Variants in RBFOX1 observed in about 807,000 individuals in gnomAD.
The protein encoded by RBFOX1 is RNA binding protein fox-1 homolog 1.
Under a neutral mutation model 57.7 loss-of-function variants are expected in RBFOX1, and 8 were observed. The observed-to-expected ratio is 0.14, with a 90% confidence interval of 0.08 to 0.25. The LOEUF (loss-of-function observed/expected upper bound fraction) is 0.25, where lower values mean the gene tolerates loss of function less well. RBFOX1 is among the 10% of genes least tolerant of loss of function. The pLI is 1.00. For synonymous variants in RBFOX1, 326 were observed against 222.4 expected, an observed-to-expected ratio of 1.47 and a Z score of -4.15; for missense variants, 611 against 548.5, an observed-to-expected ratio of 1.11 and a Z score of -1.14.
chr16:5,668,084 C>T (rs1426167804), intron 3 of RBFOX1, among the ~76,000 whole-genome samples: 1 of 152,048 alleles, frequency 6.6e-6, no homozygotes, highest in Non-Finnish European at 1.5e-5. Context: ...AATTCAGGAC[C>T]AACCTGATCA....
At chr16:5,908,127 T>TATATATATACAC (rs1567133567) in intron 4 of RBFOX1, among the ~76,000 whole-genome samples, 1 of 143,742 alleles carries the variant, frequency 7.0e-6, no homozygotes, top group African/African-American at 2.8e-5. Context: ...TATACACATA[T>TATATATATACAC]ATATATACAC....
chr16:5,261,586 G>C (rs1481405097), intron 1 of RBFOX1, among the ~76,000 whole-genome samples: 1 of 126,356 alleles, frequency 7.9e-6, no homozygotes, highest in Non-Finnish European at 1.6e-5. Flanking sequence ...GTCTCTCCCT[G>C]TCACCCAGCC....
chr16:7,172,684 C>G (rs1379717879), intron 4 of RBFOX1, among the ~76,000 whole-genome samples: 2 of 152,160 alleles, frequency 1.3e-5, no homozygotes, highest in African/African-American at 2.4e-5. Context: ...AGGCTGAAAG[C>G]AGGAGGCAGA....
chr16:6,067,811 G>T (rs556327050), intron 1 of RBFOX1, among the ~76,000 whole-genome samples: 2 of 152,304 alleles, frequency 1.3e-5, no homozygotes, highest in Admixed American at 1.3e-4. Flanking sequence ...GAAATTGACA[G>T]TTACTGTTTA....
intron 4 of RBFOX1, among the ~76,000 whole-genome samples, chr16:7,472,443 G>C (rs2061735520): frequency 6.6e-6 from 1 of 152,164 alleles, no homozygotes; most frequent in South Asian, 2.1e-4. Context: ...TTCCAGTGTG[G>C]CTGAACTATA....
chr16:5,375,139 A>G (rs1329585575), intron 1 of RBFOX1, among the ~76,000 whole-genome samples: 1 of 150,176 alleles, frequency 6.7e-6, no homozygotes, highest in African/African-American at 2.5e-5. Flanking sequence ...GTCAAATGCT[A>G]GGTTACATAG....
chr16:7,087,016 C>G (rs975097639), intron 4 of RBFOX1, among the ~76,000 whole-genome samples: 1 of 152,166 alleles, frequency 6.6e-6, no homozygotes, highest in African/African-American at 2.4e-5. Flanking sequence ...GGACCGCAGC[C>G]TCTGAGCCCG....
intron 3 of RBFOX1, among the ~76,000 whole-genome samples, chr16:7,029,761 A>G (rs2067629): frequency 0.092 from 14,069 of 152,184 alleles, 1,057 homozygotes; most frequent in East Asian, 0.32. Flanking sequence ...CACTTGTTCA[A>G]TGATTAAAGT....
At chr16:5,515,803 A>G (rs775627468) in intron 2 of RBFOX1, among the ~76,000 whole-genome samples, 3 of 152,186 alleles carry the variant, frequency 2.0e-5, no homozygotes, top group Non-Finnish European at 4.4e-5. Context: ...GCCTTCTAAG[A>G]GGGCAGGAAA....
At chr16:7,332,192 A>T (rs1322642855) in intron 4 of RBFOX1, among the ~76,000 whole-genome samples, 1 of 152,232 alleles carries the variant, frequency 6.6e-6, no homozygotes, top group Non-Finnish European at 1.5e-5. Context: ...TGTACGAGCT[A>T]TGTGACCATG....
chr16:6,399,631 C>T (rs1487720884), intron 2 of RBFOX1, among the ~76,000 whole-genome samples: 3 of 152,236 alleles, frequency 2.0e-5, no homozygotes, highest in Admixed American at 2.0e-4. Flanking sequence ...GTTCCAACCT[C>T]TGCCTGTTAC....
At chr16:6,650,956 G>A (rs2098586649) in intron 2 of RBFOX1, among the ~76,000 whole-genome samples, 1 of 152,158 alleles carries the variant, frequency 6.6e-6, no homozygotes, top group South Asian at 2.1e-4. Context: ...AGGCTGAAGT[G>A]CAATGGCATG....
intron 2 of RBFOX1, among the ~76,000 whole-genome samples, chr16:6,595,385 A>G (rs2097767283): frequency 6.6e-6 from 1 of 152,216 alleles, no homozygotes; most frequent in South Asian, 2.1e-4. Context: ...ACCATGTGTC[A>G]ATTTAATTCA....
chr16:6,193,391 ACTATATATATATATATAT>A (rs2097156935), intron 1 of RBFOX1, among the ~76,000 whole-genome samples: 2 of 15,744 alleles, frequency 1.3e-4, no homozygotes, highest in African/African-American at 2.3e-4. Context: ...ATATATATAT[ACTATATATATATATATAT>A]ATATATATAT....
chr16:6,957,397 C>G (rs556877978), intron 3 of RBFOX1, among the ~76,000 whole-genome samples: 1 of 152,004 alleles, frequency 6.6e-6, no homozygotes, highest in Non-Finnish European at 1.5e-5. Flanking sequence ...CTGCGACTCA[C>G]GCTCAGCCGG....
rs1188266787 is a variant in RBFOX1, at chr16:6,277,082, C to T, written c.-126-39913C>T. Among the ~76,000 whole-genome samples, 2 of 152,048 alleles carry T rather than the reference C, an allele frequency of 1.3e-5. 1 individual carries two copies. Among genetic ancestry groups the T allele is most frequent in the South Asian group, 4.2e-4 (2 of 4,812 alleles). On this transcript the variant is annotated intron_variant, in intron 1 of 15. Transcript: ENST00000550418. ...TCACTTTGTAAACTAAAAACAATCC[C>T]ATCTCAGTACTGTACCAGACACAAT...
At chr16:5,667,580 G>T (rs2049887430) in intron 3 of RBFOX1, among the ~76,000 whole-genome samples, 3 of 152,180 alleles carry the variant, frequency 2.0e-5, no homozygotes, top group Admixed American at 6.5e-5. Flanking sequence ...TGTACTAGAA[G>T]TGTACTTGAA....
At chr16:6,897,850 A>G (rs955359140) in intron 3 of RBFOX1, among the ~76,000 whole-genome samples, 6 of 152,072 alleles carry the variant, frequency 3.9e-5, no homozygotes, top group Non-Finnish European at 7.4e-5. Flanking sequence ...GCAGTTTCTG[A>G]GCTTATCATC....
chr16:6,078,911 A>G (rs2095954404), intron 1 of RBFOX1, among the ~76,000 whole-genome samples: 1 of 152,224 alleles, frequency 6.6e-6, no homozygotes, highest in African/African-American at 2.4e-5. Flanking sequence ...TGTGGTAAAA[A>G]TGTCATCTGT....
Sources: allele counts gnomAD v4.1 joint callset (sites outside exome capture counted in the v4.1 genomes callset), GRCh38; gene constraint gnomAD v4.1.1; transcripts MANE v1.5; gene names NCBI Gene and HGNC (gene_info 2026-07-23, HGNC 2026-07-21).